Variants in VWDE observed in about 807,000 individuals in gnomAD.
The protein encoded by VWDE is von Willebrand factor D and EGF domains, also known as von Willebrand factor D and EGF domain-containing protein.
VWDE carries 207 observed loss-of-function variants against 178.4 expected under a neutral mutation model. That is an observed-to-expected ratio of 1.16 (90% CI 1.04 to 1.30). The LOEUF is 1.30. VWDE is among the 50% of genes most tolerant of loss of function. The pLI is 0.00. For missense variants in VWDE, 2,287 were observed against 1,901.3 expected (o/e 1.20, Z -3.77); for synonymous variants, 738 against 651.4 (o/e 1.13, Z -2.02).
intron 6 of VWDE, among the ~76,000 whole-genome samples, chr7:12,378,843 C>T (rs1360475427): frequency 6.6e-6 from 1 of 152,170 alleles, no homozygotes; most frequent in Non-Finnish European, 1.5e-5. Flanking sequence ...CCATTTATCT[C>T]ATCTTGTCCT....
rs956108846 is a variant in VWDE, at chr7:12,383,591, A to T, written c.486T>A (p.Asp162Glu). The change falls in exon 4 of 29, where the codon GAT becomes GAA. Residue 162 changes from aspartate to glutamate, a missense_variant. By Grantham distance (45) the Asp-to-Glu change is conservative. Coordinates refer to ENST00000275358, the MANE Select transcript of VWDE (RefSeq NM_001135924.3). ...CAGAACCACATGGGTGTAATCGTGC[A>T]TCAGAAATAGCTGCCAAGGGTTAAG... ...CMGYCAEAIS[D>E]ARLHPCGSDE... The T allele has an allele frequency of 2.6e-6, 4 of 1,550,518 alleles. No individual in the cohort carries two copies. In the Admixed American group the frequency reaches 7.8e-5, roughly 30 times the overall value.
At chr7:12,377,083 C>A (rs1783570881) in intron 7 of VWDE, among the ~76,000 whole-genome samples, 1 of 152,068 alleles carries the variant, frequency 6.6e-6, no homozygotes, top group Admixed American at 6.6e-5. Flanking sequence ...TTTTATGTAT[C>A]TGTAACTTGC....
At position 12,369,440 on chromosome 7, in the gene VWDE, A is replaced by C. The variant is rs957134849; in HGVS notation, c.2761+105T>G. The C allele has an allele frequency of 8.9e-6, 12 of 1,347,176 alleles. No individual in the cohort carries two copies. The African/African-American group carries it at 1.6e-4, about 18-fold the overall frequency. The allele number at this position is 1,347,176 out of a possible 1,614,324, so 83.5% of individuals were successfully genotyped here. On this transcript the variant is annotated intron_variant, in intron 12 of 28. Coordinates refer to ENST00000275358, the MANE Select transcript of VWDE (RefSeq NM_001135924.3). ...TATGATTTGGAGGTTTTCTCTATAAAATCTGAATAAACACTGTTAGGATAC... is the reference window on the plus strand; with the variant it reads ...TATGATTTGGAGGTTTTCTCTATAACATCTGAATAAACACTGTTAGGATAC...
At chr7:12,387,487 C>G (rs1036118886) in intron 3 of VWDE, among the ~76,000 whole-genome samples, 1 of 151,658 alleles carries the variant, frequency 6.6e-6, no homozygotes, top group Non-Finnish European at 1.5e-5. Flanking sequence ...AATTCCAAAG[C>G]TATGACGAGC....
chr7:12,363,546 A>G (rs994629246), intron 13 of VWDE, among the ~76,000 whole-genome samples: 1 of 152,064 alleles, frequency 6.6e-6, no homozygotes, highest in Non-Finnish European at 1.5e-5. Context: ...CTACTAATAC[A>G]AAAGTAGAAA....
intron 27 of VWDE, among the ~76,000 whole-genome samples, chr7:12,334,128 A>G (rs1309032073): frequency 6.6e-6 from 1 of 152,140 alleles, no homozygotes; most frequent in South Asian, 2.1e-4. Flanking sequence ...CAATATCTCA[A>G]TATCTCAATC....
rs776364227 is a variant in VWDE, at chr7:12,343,103, A to C, written c.4154T>G (p.Val1385Gly). The C allele has an allele frequency of 1.9e-6, 3 of 1,549,768 alleles. No homozygotes were observed. The South Asian group carries it at 3.6e-5, about 18-fold the overall frequency. Residue 1385 changes from valine to glycine, a missense_variant, in exon 22 of 29, where the codon GTA becomes GGA. Transcript: ENST00000275358. ...GNLCTCPYGF[V>G]GPRCETMVCN... Reference sequence around the variant, plus strand: ...CTTACTTGTTTCACACCTTGGTCCTACAAAACCATAAGGACAAGTGCAGAG... The same window carrying C: ...CTTACTTGTTTCACACCTTGGTCCTCCAAAACCATAAGGACAAGTGCAGAG...
chr7:12,393,083 A>T (rs183866655), intron 2 of VWDE, among the ~76,000 whole-genome samples: 2 of 152,262 alleles, frequency 1.3e-5, no homozygotes, highest in Admixed American at 1.3e-4. Context: ...AGTTCTTATT[A>T]GTCTTAGAAT....
Position 12,369,756 on chromosome 7 carries a change from C to A in VWDE, c.2550G>T (p.Trp850Cys). The stretch of plus-strand genomic sequence containing the variant: ...CTAAAAGGGCCACACCTGCTTCTGC[C>A]CAACTAAGATCATCTTTTAACAGAA... ...KDVLLKDDLS[W>C]AEAGVALLEN... Residue 850 changes from tryptophan (W) to cysteine (C), a missense_variant, in exon 12 of 29, where the codon TGG becomes TGT. By Grantham distance (215) the Trp-to-Cys change is radical (BLOSUM62 -2). Transcript: ENST00000275358. The A allele has an allele frequency of 6.4e-7, 1 of 1,551,568 alleles. No homozygotes were observed. Among genetic ancestry groups the A allele is most frequent in the Non-Finnish European group, 8.7e-7 (1 of 1,146,908 alleles).
chr7:12,356,423 T>C, intron 17 of VWDE, 93 bp from the exon 18 acceptor site: 1 of 920,600 alleles, frequency 1.1e-6, no homozygotes, highest in African/African-American at 1.7e-5. Flanking sequence ...TATGTTTATG[T>C]ACAAGTATGA....
In VWDE at chr7:12,370,487, A is replaced by G; in HGVS notation, c.1819T>C (p.Ser607Pro). 1 of 1,538,896 alleles carries G rather than the reference A, an allele frequency of 6.5e-7. No individual in the cohort carries two copies. The change falls in exon 12 of 29, where the codon TCT becomes CCT. Residue 607 changes from serine to proline, a missense_variant. Coordinates refer to ENST00000275358, the MANE Select transcript of VWDE (RefSeq NM_001135924.3). Reference protein sequence around the residue: ...EWRILPGKSMSDTLPVSMTSP... With the variant: ...EWRILPGKSMPDTLPVSMTSP... ...GTCATAGAAACTGGCAGTGTGTCAG[A>G]CATGCTTTTTCCTGGTAAAATCCTT...
At chr7:12,344,334 A>G in intron 20 of VWDE, 40 bp downstream of exon 20, 1 of 1,550,290 alleles carries the variant, frequency 6.5e-7, no homozygotes, top group Non-Finnish European at 8.7e-7. Flanking sequence ...CAATTACCAA[A>G]TACAATTTAT....
Position 12,351,674 on chromosome 7 carries a change from A to C in VWDE, c.3785T>G (p.Val1262Gly). ...ACTTTTATCAGATCTTGTGAGAACC[A>C]CAGTTTGTGTAGTAAATTGATTTAC... ...QFVNQFTTQT[V>G]VLTRSDKSVN... The change falls in exon 19 of 29, where the codon GTG becomes GGG. Residue 1262 changes from valine to glycine, a missense_variant. Physicochemically the swap from Val to Gly is moderately radical, Grantham distance 109 (BLOSUM62 -3). Transcript: ENST00000275358. The C allele has an allele frequency of 6.5e-7, 1 of 1,549,252 alleles. No individual in the cohort carries two copies. Among genetic ancestry groups the C allele is most frequent in the Middle Eastern group, 1.7e-4 (1 of 5,832 alleles).
chr7:12,370,102 C>T lies in VWDE; in HGVS notation c.2204G>A (p.Arg735Gln), dbSNP rs541743788. The T allele has an allele frequency of 1.2e-5, 18 of 1,551,526 alleles. No individual in the cohort carries two copies. The highest frequency in any genetic ancestry group is 1.7e-4 in the Middle Eastern group (1 of 5,990). The part of the protein sequence containing the change: ...YLANKKYTQG[R>Q]GSHSQEMRYN... ...CCTCATTTCTTGGCTGTGGCTTCCC[C>T]GGCCTTGTGTATATTTCTTATTGGC... The change falls in exon 12 of 29, where the codon CGG becomes CAG. Residue 735 changes from arginine to glutamine, a missense_variant. Coordinates refer to ENST00000275358, the MANE Select transcript of VWDE (RefSeq NM_001135924.3).
intron 18 of VWDE, among the ~76,000 whole-genome samples, chr7:12,352,116 T>C (rs1353019670): frequency 6.6e-6 from 1 of 152,166 alleles, no homozygotes; most frequent in Non-Finnish European, 1.5e-5. Flanking sequence ...CCAACCCTAC[T>C]CGCACCTTAA....
intron 13 of VWDE, among the ~76,000 whole-genome samples, chr7:12,362,038 A>C (rs548549811): frequency 9.2e-5 from 14 of 152,022 alleles, no homozygotes; most frequent in African/African-American, 3.1e-4. Context: ...ATATTTCAAT[A>C]CTCATGATAT....
intron 3 of VWDE, 31 bp downstream of exon 3, chr7:12,389,096 A>C: frequency 7.3e-7 from 1 of 1,376,236 alleles, no homozygotes; most frequent in Non-Finnish European, 1.0e-6. Context: ...TCCATGAATA[A>C]CAGTCATGTG....
At chr7:12,362,455 C>T (rs560990501) in intron 13 of VWDE, among the ~76,000 whole-genome samples, 2 of 152,060 alleles carry the variant, frequency 1.3e-5, no homozygotes, top group Non-Finnish European at 2.9e-5. Context: ...ACACATTATG[C>T]TTAAGCTACA....
chr7:12,332,529 G>A lies in VWDE; in HGVS notation c.4758+936C>T, dbSNP rs865785029. On this transcript the variant is annotated intron_variant, in intron 28 of 28. Transcript: ENST00000275358. ...CTTTAGAGGTCATAGGGTTTTCTGT[G>A]CCATAAAAATCTCACATCAAATCAA... Among the ~76,000 whole-genome samples the A allele has an allele frequency of 2.4e-4, 36 of 152,072 alleles. 1 individual carries two copies. Among genetic ancestry groups the A allele is most frequent in the African/African-American group, 8.2e-4 (34 of 41,404 alleles).
Sources: allele counts gnomAD v4.1 joint callset (sites outside exome capture counted in the v4.1 genomes callset), GRCh38; gene constraint gnomAD v4.1.1; transcripts MANE v1.5; gene names NCBI Gene and HGNC (gene_info 2026-07-23, HGNC 2026-07-21).